The following KDM6A variants were observed in gnomAD, a reference collection of about 807,000 sequenced individuals.
KDM6A encodes lysine-specific demethylase 6A.
In KDM6A, 11 loss-of-function variants were observed where a neutral mutation model predicts 117.6. The observed-to-expected ratio is 0.09, with a 90% CI of 0.06 to 0.15. The LOEUF is 0.15. Among genes scored for constraint, KDM6A ranks in the 10% least tolerant of loss-of-function variants. KDM6A has a pLI of 1.00. For synonymous variants in KDM6A, 384 were observed against 396.1 expected (o/e 0.97, Z 0.36); for missense variants, 799 against 1,077.3 (o/e 0.74, Z 3.62).
intron 4 of KDM6A, among the ~76,000 whole-genome samples, chrX:44,986,345 T>C (rs1314753321): frequency 1.8e-5 from 2 of 111,435 alleles, no homozygotes; most frequent in Admixed American, 9.6e-5. Context: ...TTTTGTTGAT[T>C]TTTTCAAAAA....
At chrX:44,953,797 G>A (rs1431114198) in intron 2 of KDM6A, among the ~76,000 whole-genome samples, 3 of 111,721 alleles carry the variant, frequency 2.7e-5, no homozygotes, top group South Asian at 3.7e-4. Context: ...TTAAGAATCA[G>A]CAATACTTTA....
intron 21 of KDM6A, 92 bp from the exon 22 acceptor site, chrX:45,082,484 C>A: frequency 1.7e-6 from 1 of 586,858 alleles, no homozygotes; most frequent in Non-Finnish European, 2.9e-6. Context: ...TAATACTATT[C>A]AATCTAGATA....
At chrX:44,887,505 A>G (rs1229149720) in intron 2 of KDM6A, among the ~76,000 whole-genome samples, 2 of 111,057 alleles carry the variant, frequency 1.8e-5, no homozygotes, top group African/African-American at 6.6e-5. Flanking sequence ...GGTTAGACTA[A>G]AATGGCATGG....
At chrX:44,921,572 A>G (rs1319621222) in intron 2 of KDM6A, among the ~76,000 whole-genome samples, 1 of 111,491 alleles carries the variant, frequency 9.0e-6, no homozygotes, top group Admixed American at 9.6e-5. Context: ...TGATGGAATC[A>G]TGTAGCATGT....
chrX:45,055,270 A>G (rs1183438845), intron 10 of KDM6A, among the ~76,000 whole-genome samples: 1 of 110,725 alleles, frequency 9.0e-6, no homozygotes, highest in African/African-American at 3.3e-5. Context: ...ATTAATTTTA[A>G]TTAATGTAAT....
intron 27 of KDM6A, 85 bp from the exon 28 acceptor site, chrX:45,107,325 G>A (rs2148286302): frequency 5.5e-6 from 5 of 911,787 alleles, no homozygotes; most frequent in Non-Finnish European, 8.0e-6. Context: ...AAGTCTCTTG[G>A]CATTATTTCT....
At chrX:44,990,829 T>G (rs893407005) in intron 4 of KDM6A, among the ~76,000 whole-genome samples, 1 of 112,186 alleles carries the variant, frequency 8.9e-6, no homozygotes, top group Non-Finnish European at 1.9e-5. Context: ...GGATTTTCTC[T>G]GTAGACTATC....
chrX:45,087,821 T>C (rs1196456660), intron 25 of KDM6A, among the ~76,000 whole-genome samples: 2 of 111,598 alleles, frequency 1.8e-5, no homozygotes, highest in Non-Finnish European at 3.8e-5. Context: ...AATAAAAATA[T>C]CAAGTTAGAA....
chrX:44,993,740 C>T (rs1184307389), intron 4 of KDM6A, among the ~76,000 whole-genome samples: 1 of 111,416 alleles, frequency 9.0e-6, no homozygotes, highest in Non-Finnish European at 1.9e-5. Context: ...GTGGCGCGTG[C>T]CTGTAGTCTC....
At chrX:45,033,012 A>G (rs1472412752) in intron 6 of KDM6A, among the ~76,000 whole-genome samples, 1 of 112,326 alleles carries the variant, frequency 8.9e-6, no homozygotes, top group South Asian at 3.6e-4. Flanking sequence ...TCAGTGAAAT[A>G]GTAAAACTAA....
At position 45,070,054 on chromosome X, in the gene KDM6A, T is replaced by G. The variant is rs768764339; in HGVS notation, c.2555T>G (p.Val852Gly). Residue 852 changes from valine to glycine, a missense_variant, in exon 18 of 30, where the codon GTC becomes GGC. Physicochemically the swap from Val to Gly is moderately radical, Grantham distance 109. Transcript: ENST00000611820. The stretch of plus-strand genomic sequence containing the variant: ...GTGGGTACTGGAACCTGTGACAAAG[T>G]CAATAACATCCACCCAGCTGTTCAT... ...NNVGTGTCDK[V>G]NNIHPAVHTK... 1 of 1,209,846 alleles carries G rather than the reference T, an allele frequency of 8.3e-7. No individual in the cohort carries two copies. The highest frequency in any genetic ancestry group is 1.8e-5 in the South Asian group (1 of 56,815).
chrX:44,958,553 G>T (rs757439802), intron 2 of KDM6A, among the ~76,000 whole-genome samples: 1 of 99,187 alleles, frequency 1.0e-5, no homozygotes, highest in South Asian at 5.4e-4. Context: ...ATATAGAAAA[G>T]TAAAATGAAC....
chrX:44,973,912 C>T (rs1259324494), intron 3 of KDM6A, among the ~76,000 whole-genome samples: 1 of 110,922 alleles, frequency 9.0e-6, no homozygotes, highest in Non-Finnish European at 1.9e-5. Context: ...TTTTCATCCC[C>T]CTCAATGAAA....
intron 4 of KDM6A, among the ~76,000 whole-genome samples, chrX:44,995,559 C>T (rs1306294605): frequency 9.1e-6 from 1 of 110,435 alleles, no homozygotes; most frequent in African/African-American, 3.3e-5. Context: ...GCAGCCTCTG[C>T]CTCCCCTGTT....
At chrX:45,036,968 A>G (rs892291983) in intron 7 of KDM6A, among the ~76,000 whole-genome samples, 3 of 113,028 alleles carry the variant, frequency 2.7e-5, no homozygotes, top group Non-Finnish European at 5.6e-5. Flanking sequence ...GAGTGCTACA[A>G]GGTGGTTGGT....
In KDM6A at chrX:45,082,759, G is replaced by A; in HGVS notation, c.3410G>A (p.Gly1137Glu). The A allele has an allele frequency of 8.3e-7, 1 of 1,201,485 alleles. No homozygotes were observed. Among genetic ancestry groups the A allele is most frequent in the Non-Finnish European group, 1.1e-6 (1 of 886,918 alleles). The change falls in exon 23 of 30, where the codon GGG (glycine) becomes GAG (glutamate). Residue 1137 changes from glycine to glutamate, a missense_variant. By Grantham distance (98) the Gly-to-Glu change is moderately conservative (BLOSUM62 -2). Around this residue, in one of 8 missense-constraint regions of KDM6A, gnomAD observed 291 missense variants for 437.9 expected, o/e 0.66. Coordinates refer to ENST00000611820, the MANE Select transcript of KDM6A (RefSeq NM_001291415.2). ...GGACCCTTTAAAACCATAAAGTTTGGGACCAATATTGACCTATCTGATGAC... is the reference window on the plus strand; with the variant it reads ...GGACCCTTTAAAACCATAAAGTTTGAGACCAATATTGACCTATCTGATGAC... ...RKGPFKTIKFGTNIDLSDDKK... is the reference protein window; with the variant it reads ...RKGPFKTIKFETNIDLSDDKK...
chrX:44,913,917 C>T (rs1240680271), intron 2 of KDM6A, among the ~76,000 whole-genome samples: 2 of 111,298 alleles, frequency 1.8e-5, no homozygotes, highest in African/African-American at 3.3e-5. Flanking sequence ...TTTCTTTCTT[C>T]TGTTCCCCTT....
intron 3 of KDM6A, among the ~76,000 whole-genome samples, chrX:44,965,897 A>G (rs943898463): frequency 4.1e-4 from 46 of 111,723 alleles, no homozygotes; most frequent in Admixed American, 1.9e-3. Flanking sequence ...AAAGTGCAAT[A>G]AAACAGGGTA....
At chrX:45,096,114 AAAAT>A (rs756357367) in intron 27 of KDM6A, among the ~76,000 whole-genome samples, 17 of 112,090 alleles carry the variant, frequency 1.5e-4, no homozygotes, top group Non-Finnish European at 1.1e-4. Flanking sequence ...ATTAAAAGAA[AAAAT>A]AACAGCTAAA....
Sources: allele counts gnomAD v4.1 joint callset (sites outside exome capture counted in the v4.1 genomes callset), GRCh38; gene constraint gnomAD v4.1.1; regional missense constraint gnomAD v4.1.1; transcripts MANE v1.5; gene names NCBI Gene and HGNC (gene_info 2026-07-23, HGNC 2026-07-21).